The following NUP107 variants were observed in gnomAD, a reference collection of about 807,000 sequenced individuals.
NUP107 encodes the protein nucleoporin 107.
A neutral mutation model predicts 141.0 loss-of-function variants in NUP107; 101 were observed. The ratio of observed to expected loss-of-function variants is 0.72; its 90% CI spans 0.61 to 0.84. NUP107 has a LOEUF of 0.84. NUP107 is among the 40% of genes least tolerant of loss of function. NUP107 has a pLI of 0.00. For missense variants in NUP107, 941 were observed against 1,102.7 expected (o/e 0.85, Z 2.08); for synonymous variants, 319 against 363.9 (o/e 0.88, Z 1.41).
chr12:68,734,944 C>T lies in NUP107; in HGVS notation c.2388+111C>T, dbSNP rs1354722857. 3 of 1,189,032 alleles carry T rather than the reference C, an allele frequency of 2.5e-6. No individual in the cohort carries two copies. In the African/African-American group the frequency reaches 4.6e-5, roughly 18 times the overall value. The allele number at this position is 1,189,032 out of a possible 1,614,324, so 73.7% of individuals were successfully genotyped here. A position where few individuals can be genotyped will look rare whatever the true frequency, so the allele number is the denominator to read the frequency against. ...ATCTTTCGATCATAACAGGTAATCTCCCTGTTAATGTCCTGCTTTGGAAGA... is the reference window on the plus strand; with the variant it reads ...ATCTTTCGATCATAACAGGTAATCTTCCTGTTAATGTCCTGCTTTGGAAGA... On this transcript the variant is annotated intron_variant, in intron 25 of 27. Coordinates refer to ENST00000229179, the MANE Select transcript of NUP107 (RefSeq NM_020401.4).
At chr12:68,733,333 C>A in intron 23 of NUP107, 119 bp from the exon 24 acceptor site, 1 of 833,604 alleles carries the variant, frequency 1.2e-6, no homozygotes, top group Non-Finnish European at 1.8e-6. Flanking sequence ...TAACAGAGTG[C>A]CTTGGGCCCT....
At chr12:68,703,843 T>C (rs1876452543) in intron 8 of NUP107, among the ~76,000 whole-genome samples, 1 of 152,204 alleles carries the variant, frequency 6.6e-6, no homozygotes, top group Non-Finnish European at 1.5e-5. Context: ...AGTATAAATG[T>C]ACTGTAATTT....
chr12:68,742,725 T>A lies in NUP107; in HGVS notation c.*263T>A, dbSNP rs184096554. The A allele has an allele frequency of 1.9e-4, 34 of 181,536 alleles. No individual in the cohort carries two copies. The East Asian group carries it at 4.6e-3, about 25-fold the overall frequency. 11.2% of individuals were successfully genotyped at this position (181,536 alleles called of 1,614,324 possible). A position where few individuals can be genotyped will look rare whatever the true frequency, so the allele number is the denominator to read the frequency against. ...TCTCTTTTTCATGTAATAAGAAAAT[T>A]AAATTTTCTGTTCTAGTTTTTTCTG... On this transcript the variant is annotated 3_prime_UTR_variant, in exon 28 of 28. Transcript: ENST00000229179.
intron 26 of NUP107, among the ~76,000 whole-genome samples, chr12:68,740,638 T>C (rs1343425149): frequency 6.6e-6 from 1 of 152,220 alleles, no homozygotes; most frequent in Non-Finnish European, 1.5e-5. Flanking sequence ...CTTTTAGGTA[T>C]TCCATTAGGC....
chr12:68,688,266 A>G (rs1875603774), intron 1 of NUP107, among the ~76,000 whole-genome samples: 1 of 152,030 alleles, frequency 6.6e-6, no homozygotes, highest in Non-Finnish European at 1.5e-5. Flanking sequence ...TTTCCTGCTG[A>G]AGGAATATCT....
rs1044407393 is a variant in NUP107, at chr12:68,706,202, G to C, written c.730-3036G>C. 3 of 766,730 alleles carry C rather than the reference G, an allele frequency of 3.9e-6. No individual in the cohort carries two copies. The African/African-American group carries it at 5.1e-5, about 13-fold the overall frequency. The allele number at this position is 766,730 out of a possible 1,614,324, so 47.5% of individuals were successfully genotyped here. A position where few individuals can be genotyped will look rare whatever the true frequency, so the allele number is the denominator to read the frequency against. On this transcript the variant is annotated intron_variant, in intron 8 of 27. Transcript: ENST00000229179. ...TGATATCAAAAAGCATACAGAGATG[G>C]AGAATGAATTTGTCCTCATCAAGAA...
At chr12:68,692,911 G>A (rs909291149) in intron 5 of NUP107, among the ~76,000 whole-genome samples, 6 of 151,428 alleles carry the variant, frequency 4.0e-5, no homozygotes, top group African/African-American at 1.2e-4. Flanking sequence ...TACCACACCC[G>A]GCTAATTTTT....
At chr12:68,719,010 T>G (rs1171261270) in intron 12 of NUP107, among the ~76,000 whole-genome samples, 6 of 152,096 alleles carry the variant, frequency 3.9e-5, no homozygotes, top group African/African-American at 1.4e-4. Flanking sequence ...TGCCTCAGCC[T>G]CCCGAGTAGC....
rs573333354 is a variant in NUP107, at chr12:68,731,327, A to G, written c.1885+67A>G. Reference sequence around the variant, plus strand: ...AAATGTTCATTTTGGCTGTAGTAACATTTGTCCTTATAGTTTTAAATCTTA... The same window carrying G: ...AAATGTTCATTTTGGCTGTAGTAACGTTTGTCCTTATAGTTTTAAATCTTA... On this transcript the variant is annotated intron_variant, in intron 21 of 27. Coordinates refer to ENST00000229179, the MANE Select transcript of NUP107 (RefSeq NM_020401.4). The G allele has an allele frequency of 1.8e-4, 254 of 1,432,456 alleles. 1 individual carries two copies. In the African/African-American group the frequency reaches 3.3e-3, roughly 19 times the overall value. The allele number at this position is 1,432,456 out of a possible 1,614,324, so 88.7% of individuals were successfully genotyped here.
Position 68,731,253 on chromosome 12 carries a change from A to G in NUP107, c.1878A>G (p.Lys626=). 6.3e-7 allele frequency: 1 copy of G among 1,595,864 alleles called. No individual in the cohort carries two copies. The highest frequency in any genetic ancestry group is 8.5e-7 in the Non-Finnish European group (1 of 1,173,994). The change falls in exon 21 of 28, where the codon AAA becomes AAG. Residue 626 remains lysine, a synonymous_variant. Coordinates refer to ENST00000229179, the MANE Select transcript of NUP107 (RefSeq NM_020401.4). ...GCCACCATTGCCTGGAGTTGGCTAA[A>G]GAAGCAGGTAAAAATGGTTGAAAAC... The part of the protein sequence containing the change: ...EQRHHCLELA[K]EADLDVATIT...
intron 20 of NUP107, among the ~76,000 whole-genome samples, chr12:68,728,410 C>T (rs1592517601): frequency 1.4e-5 from 2 of 145,106 alleles, no homozygotes; most frequent in Middle Eastern, 3.5e-3. Context: ...TGGGAAACAG[C>T]GAAAACCTGT....
At position 68,699,471 on chromosome 12, in the gene NUP107, T is replaced by A. The variant is rs569191630; in HGVS notation, c.553-1255T>A. Among the ~76,000 whole-genome samples, 4 of 152,284 alleles carry A rather than the reference T, an allele frequency of 2.6e-5. No homozygotes were observed. The South Asian group carries it at 8.3e-4, about 32-fold the overall frequency. On this transcript the variant is annotated intron_variant, in intron 6 of 27. Transcript: ENST00000229179. ...CTGCATTCAGTAATAATTGAAATAATAGTAATAGACAACTTTTTATCATTT... is the reference window on the plus strand; with the variant it reads ...CTGCATTCAGTAATAATTGAAATAAAAGTAATAGACAACTTTTTATCATTT...
intron 26 of NUP107, among the ~76,000 whole-genome samples, chr12:68,737,928 G>A (rs1878146118): frequency 6.6e-6 from 1 of 152,014 alleles, no homozygotes; most frequent in Non-Finnish European, 1.5e-5. Context: ...GATCACGTGA[G>A]GCCAGGAATT....
intron 20 of NUP107, 43 bp from the exon 21 acceptor site, chr12:68,731,067 T>A: frequency 7.3e-7 from 1 of 1,377,476 alleles, no homozygotes; most frequent in Non-Finnish European, 9.9e-7. Flanking sequence ...AGTATACTTT[T>A]AATTTTATTA....
At position 68,731,108 on chromosome 12, in the gene NUP107, A is replaced by G; in HGVS notation, c.1735-2A>G. The G allele has an allele frequency of 3.2e-6, 5 of 1,553,906 alleles. No homozygotes were observed. Among genetic ancestry groups the G allele is most frequent in the Non-Finnish European group, 4.4e-6 (5 of 1,149,220 alleles). On this transcript the variant is annotated splice_acceptor_variant, in intron 20 of 27. Coordinates refer to ENST00000229179, the MANE Select transcript of NUP107 (RefSeq NM_020401.4). LOFTEE classifies it high-confidence loss of function. ...ATACTTTGATCTTTTTCTATTTTTT[A>G]GCTTTTAATAAGAGAGAAACATACA...
chr12:68,707,109 G>T, intron 8 of NUP107: 1 of 562,084 alleles, frequency 1.8e-6, no homozygotes, highest in Non-Finnish European at 3.2e-6. Context: ...CCCCTTCTGC[G>T]GCTGCCCCAG....
rs572145422 is a variant in NUP107 at position 68,705,636 on chromosome 12, G to A, written c.729+2852G>A. The A allele has an allele frequency of 9.3e-6, 5 of 536,536 alleles. No homozygotes were observed. The Admixed American group carries it at 1.1e-4, about 12-fold the overall frequency. The allele number at this position is 536,536 out of a possible 1,614,324, so 33.2% of individuals were successfully genotyped here. A position where few individuals can be genotyped will look rare whatever the true frequency, so the allele number is the denominator to read the frequency against. On this transcript the variant is annotated intron_variant, in intron 8 of 27. Transcript: ENST00000229179. Reference sequence around the variant, plus strand: ...CTGCCTTCACTCCTGCCTCCACCATGTCCATCAGAGTGACCCAGAAGTCCT... The same window carrying A: ...CTGCCTTCACTCCTGCCTCCACCATATCCATCAGAGTGACCCAGAAGTCCT...
intron 8 of NUP107, among the ~76,000 whole-genome samples, chr12:68,708,097 A>G (rs899797069): frequency 6.6e-6 from 1 of 152,162 alleles, no homozygotes; most frequent in Admixed American, 6.6e-5. Context: ...GTCTCAAAAA[A>G]TAAATAAATA....
Position 68,733,436 on chromosome 12 carries a change from G to GT in NUP107, c.2102-15dup. The stretch of plus-strand genomic sequence containing the variant: ...GAAGTCCGTAGGCATTCAAAATTGT[G>GT]TATCTTTTTTCACAGCATCAAAAAA... On this transcript the variant is annotated splice_polypyrimidine_tract_variant and intron_variant, in intron 23 of 27. Transcript: ENST00000229179. The GT allele has an allele frequency of 6.2e-7, 1 of 1,602,644 alleles. No individual in the cohort carries two copies. Among genetic ancestry groups the GT allele is most frequent in the Non-Finnish European group, 8.5e-7 (1 of 1,174,590 alleles).
Sources: gnomAD v4.1 joint callset for allele counts (sites outside exome capture counted in the v4.1 genomes callset) on GRCh38, gnomAD v4.1.1 for gene constraint, MANE v1.5 for transcripts, NCBI Gene and HGNC (gene_info 2026-07-23, HGNC 2026-07-21) for gene names.